CACNB2: variants seen among roughly 807,000 people sequenced by gnomAD.
CACNB2 encodes voltage-dependent L-type calcium channel subunit beta-2.
In CACNB2, 42 loss-of-function variants were observed where a neutral mutation model predicts 73.3. The ratio of observed to expected loss-of-function variants is 0.57; its 90% confidence interval spans 0.45 to 0.74. The LOEUF (loss-of-function observed/expected upper bound fraction) is 0.74, where lower values mean the gene tolerates loss of function less well. CACNB2 is among the 30% of genes least tolerant of loss of function. The pLI is 0.00. For synonymous variants in CACNB2, 348 were observed against 310.3 expected (o/e 1.12, Z -1.28); for missense variants, 940 against 853.0 (o/e 1.10, Z -1.27).
At chr10:18,394,510 G>T (rs367944038) in intron 2 of CACNB2, among the ~76,000 whole-genome samples, 2 of 152,086 alleles carry the variant, frequency 1.3e-5, no homozygotes, top group South Asian at 4.2e-4. Flanking sequence ...ACTGCTAAAG[G>T]TTTACTCCTA....
At chr10:18,173,449 T>G (rs1306674869) in intron 2 of CACNB2, among the ~76,000 whole-genome samples, 2 of 152,104 alleles carry the variant, frequency 1.3e-5, no homozygotes, top group Non-Finnish European at 2.9e-5. Context: ...GTGGCTTATG[T>G]TAGGATGGTG....
At chr10:18,527,971 A>G (rs1395987591) in intron 10 of CACNB2, among the ~76,000 whole-genome samples, 1 of 152,166 alleles carries the variant, frequency 6.6e-6, no homozygotes, top group Admixed American at 6.5e-5. Flanking sequence ...AGACTCTAAG[A>G]TCTCCTGGCT....
intron 3 of CACNB2, among the ~76,000 whole-genome samples, chr10:18,412,665 A>G (rs186365820): frequency 6.6e-6 from 1 of 152,338 alleles, no homozygotes; most frequent in African/African-American, 2.4e-5. Context: ...GTACACACAA[A>G]GTCTACTTCT....
At chr10:18,148,143 A>G (rs1008431621) in intron 1 of CACNB2, among the ~76,000 whole-genome samples, 4 of 152,180 alleles carry the variant, frequency 2.6e-5, no homozygotes, top group Non-Finnish European at 5.9e-5. Context: ...AATTAGTAAA[A>G]TAACAGAATA....
intron 3 of CACNB2, among the ~76,000 whole-genome samples, chr10:18,449,066 A>T (rs868589233): frequency 6.6e-6 from 1 of 152,266 alleles, no homozygotes; most frequent in Middle Eastern, 3.4e-3. Flanking sequence ...GGGGCAGCAG[A>T]GCCCCTACCA....
chr10:18,141,054 A>C, intron 1 of CACNB2, 198 bp downstream of exon 1: 1 of 1,546,158 alleles, frequency 6.5e-7, no homozygotes, highest in Non-Finnish European at 8.7e-7. Context: ...CTCGGCTTCC[A>C]TTTTTCTCTG....
chr10:18,274,608 AT>A (rs959382246), intron 2 of CACNB2, among the ~76,000 whole-genome samples: 9 of 151,584 alleles, frequency 5.9e-5, no homozygotes, highest in East Asian at 5.8e-4. Context: ...GAAATCCACA[AT>A]TTTTTTTTCT....
At chr10:18,268,319 T>C (rs1564391300) in intron 2 of CACNB2, among the ~76,000 whole-genome samples, 2 of 152,236 alleles carry the variant, frequency 1.3e-5, no homozygotes, top group Non-Finnish European at 2.9e-5. Context: ...AAAAGTCTAG[T>C]CTAGCAGTGG....
intron 3 of CACNB2, among the ~76,000 whole-genome samples, chr10:18,448,479 T>TAAAAAAAAAAAAAAAAAAAAAAAAA (rs56255761): frequency 9.3e-6 from 1 of 107,064 alleles, no homozygotes; most frequent in Non-Finnish European, 1.8e-5. Context: ...CTCTCTCATT[T>TAAAAAAAAAAAAAAAAAAAAAAAAA]AAAAAAAAAA....
intron 2 of CACNB2, among the ~76,000 whole-genome samples, chr10:18,215,365 G>A (rs1188833860): frequency 2.0e-5 from 3 of 152,070 alleles, no homozygotes; most frequent in African/African-American, 7.2e-5. Flanking sequence ...CATTTTGCTT[G>A]TATTTCTGGT....
chr10:18,278,297 T>C (rs978753039), intron 2 of CACNB2, among the ~76,000 whole-genome samples: 3 of 152,016 alleles, frequency 2.0e-5, no homozygotes, highest in Non-Finnish European at 2.9e-5. Flanking sequence ...CTGAGCAACA[T>C]AGTGAGACCC....
chr10:18,302,862 T>TA (rs1254112563), intron 2 of CACNB2, among the ~76,000 whole-genome samples: 3 of 152,082 alleles, frequency 2.0e-5, no homozygotes, highest in Non-Finnish European at 2.9e-5. Flanking sequence ...AAATAAAAAA[T>TA]AAAAAATAAA....
intron 2 of CACNB2, 37 bp downstream of exon 2, chr10:18,151,012 T>A: frequency 3.2e-6 from 4 of 1,244,412 alleles, no homozygotes; most frequent in Non-Finnish European, 4.7e-6. Flanking sequence ...ATAAGTACCT[T>A]AAAATGACTT....
chr10:18,469,096 T>C (rs186783843), intron 3 of CACNB2, among the ~76,000 whole-genome samples: 8 of 152,178 alleles, frequency 5.3e-5, no homozygotes, highest in African/African-American at 7.2e-5. Context: ...AAAATTAAAA[T>C]TAGAAAATCA....
chr10:18,490,942 T>G (rs1172900805), intron 3 of CACNB2, among the ~76,000 whole-genome samples: 1 of 152,168 alleles, frequency 6.6e-6, no homozygotes, highest in Non-Finnish European at 1.5e-5. Context: ...ACATTTGGCC[T>G]TGGGATCTGG....
intron 2 of CACNB2, among the ~76,000 whole-genome samples, chr10:18,382,842 A>G (rs577135157): frequency 6.6e-6 from 1 of 152,170 alleles, no homozygotes. Context: ...TAGTACTGCA[A>G]TGTACATACG....
At position 18,534,085 on chromosome 10, in the gene CACNB2, A is replaced by G. The variant is rs772708874; in HGVS notation, c.1064A>G (p.Gln355Arg). Residue 355 changes from glutamine (Q) to arginine (R), a missense_variant, in exon 11 of 14, where the codon CAG (glutamine) becomes CGG (arginine). Gln to Arg is a conservative substitution (Grantham distance 43). Transcript: ENST00000324631. ...SNTRSSLAEV[Q>R]SEIERIFELA... ...GTTTCGCCCTTTACAGCGGAAGTTC[A>G]GAGTGAAATCGAAAGGATTTTTGAA... 2 of 1,614,122 alleles carry G rather than the reference A, an allele frequency of 1.2e-6. No individual in the cohort carries two copies. Among genetic ancestry groups the G allele is most frequent in the Non-Finnish European group, 1.7e-6 (2 of 1,179,970 alleles).
intron 2 of CACNB2, among the ~76,000 whole-genome samples, chr10:18,242,057 A>G (rs181294558): frequency 3.1e-4 from 47 of 151,978 alleles, no homozygotes; most frequent in African/African-American, 1.1e-3. Context: ...AGAAGGATAC[A>G]TTTTTTAGAA....
Position 18,407,214 on chromosome 10 carries a change from C to T in CACNB2, c.333+5171C>T, listed in dbSNP as rs1248281396. Among the ~76,000 whole-genome samples the T allele has an allele frequency of 3.4e-5, 5 of 146,612 alleles. No individual in the cohort carries two copies. In the East Asian group the frequency reaches 6.3e-4, roughly 18 times the overall value. ...CTCAGCTCAGTGCAACTCCACCTCC[C>T]GGGTTCAAGCGATTCTCACACCTCA... On this transcript the variant is annotated intron_variant, in intron 3 of 13. Transcript: ENST00000324631.
Sources: gnomAD v4.1 joint callset for allele counts (sites outside exome capture counted in the v4.1 genomes callset) on GRCh38, gnomAD v4.1.1 for gene constraint, MANE v1.5 for transcripts, NCBI Gene and HGNC (gene_info 2026-07-23, HGNC 2026-07-21) for gene names.